SUDS3: variants seen among roughly 807,000 people sequenced by gnomAD.
SUDS3 encodes SIN3A corepressor complex component SDS3, also known as sin3 histone deacetylase corepressor complex component SDS3.
SUDS3 carries 23 observed loss-of-function variants against 53.5 expected under a neutral mutation model. That is an observed-to-expected ratio of 0.43 (90% CI 0.31 to 0.61). SUDS3 has a LOEUF of 0.61. SUDS3 is among the 20% of genes least tolerant of loss of function. SUDS3 has a pLI of 0.10. For synonymous variants in SUDS3, 150 were observed against 148.5 expected (o/e 1.01, Z -0.08); for missense variants, 291 against 405.9 (o/e 0.72, Z 2.43).
At chr12:118,384,772 C>T (rs1593755244) in intron 3 of SUDS3, among the ~76,000 whole-genome samples, 1 of 151,270 alleles carries the variant, frequency 6.6e-6, no homozygotes, top group Admixed American at 6.6e-5. Flanking sequence ...GCGGAACTTG[C>T]AGTGAGCCAA....
intron 6 of SUDS3, among the ~76,000 whole-genome samples, chr12:118,392,740 A>G (rs999645556): frequency 1.3e-5 from 2 of 152,278 alleles, no homozygotes; most frequent in African/African-American, 4.8e-5. Flanking sequence ...TAGAGCCACC[A>G]GATGTTTGGG....
intron 2 of SUDS3, among the ~76,000 whole-genome samples, chr12:118,382,949 T>C (rs1280065124): frequency 6.6e-6 from 1 of 152,134 alleles, no homozygotes. Context: ...ATTACAGGCG[T>C]GAGCCACCTT....
At chr12:118,380,253 C>A in intron 2 of SUDS3, 22 bp downstream of exon 2, 1 of 1,572,036 alleles carries the variant, frequency 6.4e-7, no homozygotes, top group Non-Finnish European at 8.7e-7. Context: ...ATGCCTATGT[C>A]TTTTTGGAAC....
chr12:118,407,632 C>G (rs546749556), intron 10 of SUDS3, among the ~76,000 whole-genome samples: 11 of 152,178 alleles, frequency 7.2e-5, no homozygotes, highest in Admixed American at 2.0e-4. Flanking sequence ...GTTGGAATAG[C>G]CTTCCAGAGT....
intron 2 of SUDS3, 102 bp from the exon 3 acceptor site, chr12:118,383,910 A>G: frequency 2.9e-6 from 3 of 1,044,542 alleles, no homozygotes; most frequent in East Asian, 5.1e-5. Flanking sequence ...AAGGACATTA[A>G]TGACCTTCCC....
At chr12:118,405,952 T>C (rs1391119672) in intron 10 of SUDS3, among the ~76,000 whole-genome samples, 5 of 152,224 alleles carry the variant, frequency 3.3e-5, no homozygotes, top group Non-Finnish European at 7.3e-5. Context: ...CTTCCTGAGT[T>C]TTAAATGACT....
chr12:118,378,827 C>T (rs188196352), intron 1 of SUDS3, among the ~76,000 whole-genome samples: 201 of 152,200 alleles, frequency 1.3e-3, no homozygotes, highest in Non-Finnish European at 2.1e-3. Context: ...AGGCATGTGC[C>T]GCCACCCCCA....
intron 1 of SUDS3, among the ~76,000 whole-genome samples, chr12:118,379,253 G>A (rs561993142): frequency 6.6e-6 from 1 of 151,962 alleles, no homozygotes; most frequent in South Asian, 2.1e-4. Flanking sequence ...CCTGGCCAAC[G>A]TGGCGAAACC....
rs966298034 is a variant in SUDS3, at chr12:118,378,260, ATATT to A, written c.142+1433_142+1436del. 1.1e-4 allele frequency among the ~76,000 whole-genome samples: 17 copies of A among 152,210 alleles called. No homozygotes were observed. The East Asian group carries it at 1.4e-3, about 12-fold the overall frequency. ...GTTCCCTTTAGTTGTAACTTGGAAA[ATATT>A]TATTTGTGTCAGATTCCCCTTTTTT... On this transcript the variant is annotated intron_variant, in intron 1 of 11. Transcript: ENST00000543473.
intron 10 of SUDS3, among the ~76,000 whole-genome samples, chr12:118,408,183 G>A (rs2046324933): frequency 6.6e-6 from 1 of 152,178 alleles, no homozygotes; most frequent in Non-Finnish European, 1.5e-5. Flanking sequence ...ACAGGCGTAA[G>A]CCACTACGCC....
At position 118,398,160 on chromosome 12, in the gene SUDS3, T is replaced by C. The variant is rs530462283; in HGVS notation, c.518-2499T>C. Among the ~76,000 whole-genome samples the C allele has an allele frequency of 3.9e-5, 6 of 152,322 alleles. No homozygotes were observed. In the East Asian group the frequency reaches 1.2e-3, roughly 29 times the overall value. ...ATATAATAATAAAAACTAGCATTGATAGAACTCCCGTTACGCCAGGCACTG... is the reference window on the plus strand; with the variant it reads ...ATATAATAATAAAAACTAGCATTGACAGAACTCCCGTTACGCCAGGCACTG... On this transcript the variant is annotated intron_variant, in intron 6 of 11. Coordinates refer to ENST00000543473, the MANE Select transcript of SUDS3 (RefSeq NM_022491.3).
chr12:118,386,164 A>G lies in SUDS3; in HGVS notation c.319A>G (p.Lys107Glu). 1 of 1,602,188 alleles carries G rather than the reference A, an allele frequency of 6.2e-7. No individual in the cohort carries two copies. Among genetic ancestry groups the G allele is most frequent in the East Asian group, 2.2e-5 (1 of 44,638 alleles). Residue 107 changes from lysine to glutamate, a missense_variant, in exon 4 of 12, where the codon AAA becomes GAA. Physicochemically the swap from Lys to Glu is moderately conservative, Grantham distance 56. Coordinates refer to ENST00000543473, the MANE Select transcript of SUDS3 (RefSeq NM_022491.3). Reference protein sequence around the residue: ...KRMKKLDQQYKERIRNAELFL... With the variant: ...KRMKKLDQQYEERIRNAELFL... ...AATGAAAAAACTAGATCAGCAGTAC[A>G]AAGAGAGGATACGGAATGCAGGTAA...
chr12:118,398,709 T>A (rs2046238074), intron 6 of SUDS3, among the ~76,000 whole-genome samples: 1 of 145,628 alleles, frequency 6.9e-6, no homozygotes, highest in African/African-American at 2.5e-5. Flanking sequence ...GAAGCTGCCC[T>A]GCCTGTTCTG....
At chr12:118,390,766 A>G (rs2046159515) in intron 5 of SUDS3, among the ~76,000 whole-genome samples, 5 of 152,246 alleles carry the variant, frequency 3.3e-5, no homozygotes, top group Admixed American at 1.3e-4. Flanking sequence ...TGCTGTATCA[A>G]AAATAATAGT....
At chr12:118,383,152 G>A (rs923300342) in intron 2 of SUDS3, among the ~76,000 whole-genome samples, 6 of 152,150 alleles carry the variant, frequency 3.9e-5, no homozygotes, top group Non-Finnish European at 5.9e-5. Flanking sequence ...TTATTTGAGC[G>A]CTAAAAAGGT....
intron 4 of SUDS3, among the ~76,000 whole-genome samples, chr12:118,386,990 A>T (rs1301309117): frequency 1.3e-5 from 2 of 152,276 alleles, no homozygotes; most frequent in African/African-American, 4.8e-5. Context: ...AGAAGTAATG[A>T]TGGGTTTTAA....
intron 6 of SUDS3, among the ~76,000 whole-genome samples, chr12:118,398,181 C>T (rs1381077828): frequency 2.0e-5 from 3 of 152,174 alleles, no homozygotes; most frequent in Non-Finnish European, 4.4e-5. Flanking sequence ...TTACGCCAGG[C>T]ACTGTGCTAA....
intron 1 of SUDS3, among the ~76,000 whole-genome samples, chr12:118,379,262 C>T (rs1159070093): frequency 6.6e-6 from 1 of 151,946 alleles, no homozygotes. Context: ...CGTGGCGAAA[C>T]CTCATCTCTA....
chr12:118,395,679 A>G (rs1345660574), intron 6 of SUDS3, among the ~76,000 whole-genome samples: 1 of 151,784 alleles, frequency 6.6e-6, no homozygotes, highest in Non-Finnish European at 1.5e-5. Flanking sequence ...CCTAACATTA[A>G]TTCTTGTGGA....
Sources: gnomAD v4.1 joint callset for allele counts (sites outside exome capture counted in the v4.1 genomes callset) on GRCh38, gnomAD v4.1.1 for gene constraint, MANE v1.5 for transcripts, NCBI Gene and HGNC (gene_info 2026-07-23, HGNC 2026-07-21) for gene names.